Variants in COL26A1 observed in about 807,000 individuals in gnomAD.
COL26A1 encodes collagen alpha-1(XXVI) chain.
Under a neutral mutation model 59.3 loss-of-function variants are expected in COL26A1, and 41 were observed. The observed-to-expected ratio is 0.69, with a 90% CI of 0.54 to 0.90. The LOEUF is 0.90. COL26A1 is among the 40% of genes least tolerant of loss of function. The pLI is 0.00. For synonymous variants in COL26A1, 266 were observed against 256.0 expected (o/e 1.04, Z -0.37); for missense variants, 612 against 602.3 (o/e 1.02, Z -0.17).
chr7:101,374,678 A>G (rs925508389), intron 1 of COL26A1, among the ~76,000 whole-genome samples: 3 of 152,168 alleles, frequency 2.0e-5, no homozygotes, highest in South Asian at 2.1e-4. Flanking sequence ...TTGCAGGAAA[A>G]CAAGCTCAGG....
intron 2 of COL26A1, among the ~76,000 whole-genome samples, chr7:101,442,174 C>T (rs758832556): frequency 1.3e-5 from 2 of 152,192 alleles, no homozygotes; most frequent in East Asian, 3.9e-4. Context: ...TTTTTCTGGT[C>T]TCTCGTAGTC....
At chr7:101,543,002 C>T (rs1795649974) in intron 5 of COL26A1, among the ~76,000 whole-genome samples, 1 of 152,174 alleles carries the variant, frequency 6.6e-6, no homozygotes, top group Admixed American at 6.5e-5. Flanking sequence ...AGGTGGGGCA[C>T]ACACTCTACA....
chr7:101,434,634 C>T (rs534542279), intron 2 of COL26A1, among the ~76,000 whole-genome samples: 4 of 151,676 alleles, frequency 2.6e-5, no homozygotes, highest in South Asian at 4.2e-4. Flanking sequence ...GGAGAGAAGG[C>T]GGCACTCAAA....
intron 1 of COL26A1, among the ~76,000 whole-genome samples, chr7:101,379,377 G>A (rs914332685): frequency 1.3e-5 from 2 of 152,160 alleles, no homozygotes; most frequent in Admixed American, 6.5e-5. Flanking sequence ...TCAGGGGCTC[G>A]GAGGGAGCCC....
intron 2 of COL26A1, among the ~76,000 whole-genome samples, chr7:101,427,449 G>T (rs1371388448): frequency 2.0e-5 from 3 of 151,898 alleles, no homozygotes; most frequent in Non-Finnish European, 4.4e-5. Flanking sequence ...ATCATTTGAG[G>T]TCAGGAGTTC....
At chr7:101,420,727 C>CA (rs1410507758) in intron 2 of COL26A1, among the ~76,000 whole-genome samples, 1 of 144,270 alleles carries the variant, frequency 6.9e-6, no homozygotes, top group Non-Finnish European at 1.6e-5. Flanking sequence ...TCCCTCTCAC[C>CA]AGCCCCGCCC....
intron 1 of COL26A1, among the ~76,000 whole-genome samples, chr7:101,387,011 G>A (rs1166642255): frequency 1.3e-5 from 2 of 152,132 alleles, no homozygotes; most frequent in African/African-American, 4.8e-5. Context: ...AGCCGGGGTA[G>A]GGTTACCGCA....
chr7:101,550,566 T>G (rs11981986), intron 9 of COL26A1, among the ~76,000 whole-genome samples: 60,632 of 152,064 alleles, frequency 0.4, 12,951 homozygotes, highest in African/African-American at 0.54. Flanking sequence ...AAGGCTGTAG[T>G]TTCACTCCCT....
chr7:101,460,113 T>G (rs537567708), intron 3 of COL26A1, among the ~76,000 whole-genome samples: 1 of 152,332 alleles, frequency 6.6e-6, no homozygotes, highest in South Asian at 2.1e-4. Context: ...TAGGACCATT[T>G]ATCAAAATGA....
intron 2 of COL26A1, among the ~76,000 whole-genome samples, chr7:101,442,161 T>A (rs1690863540): frequency 6.8e-6 from 1 of 146,842 alleles, no homozygotes. Context: ...GTGGACTCTG[T>A]AGTTTTTCTG....
At chr7:101,445,585 G>A (rs1488312669) in intron 2 of COL26A1, among the ~76,000 whole-genome samples, 3 of 150,630 alleles carry the variant, frequency 2.0e-5, no homozygotes, top group South Asian at 4.2e-4. Context: ...CAAAAAAATT[G>A]GCCGGGCGTG....
rs747197633 is a variant in COL26A1, at chr7:101,450,735, TATTCCATATTCTATATGAATATGA to T, written c.385+2957_385+2980del. Among the ~76,000 whole-genome samples, 580 of 135,674 alleles carry T rather than the reference TATTCCATATTCTATATGAATATGA, an allele frequency of 4.3e-3. 5 individuals are homozygous for T. The highest frequency in any genetic ancestry group is 7.5e-3 in the Admixed American group (101 of 13,520). 89.0% of individuals were successfully genotyped at this position (135,674 alleles called of 152,430 possible). ...TAATATAGAATTATTGAATTATTTA[TATTCCATATTCTATATGAATATGA>T]ATTCCATAGTCTATATGAATATGAA... is the stretch of plus-strand genomic sequence containing the variant. On this transcript the variant is annotated intron_variant, in intron 3 of 12. Coordinates refer to ENST00000313669, the MANE Select transcript of COL26A1 (RefSeq NM_001278563.3).
At chr7:101,537,558 G>A (rs1250697314) in intron 4 of COL26A1, among the ~76,000 whole-genome samples, 1 of 152,220 alleles carries the variant, frequency 6.6e-6, no homozygotes, top group Non-Finnish European at 1.5e-5. Flanking sequence ...CAGGAGGGCT[G>A]AGACGCTGGC....
chr7:101,384,341 A>G (rs995229723), intron 1 of COL26A1, among the ~76,000 whole-genome samples: 1 of 148,810 alleles, frequency 6.7e-6, no homozygotes, highest in African/African-American at 2.5e-5. Flanking sequence ...GGTTCAAACC[A>G]TTCTCCTGCC....
chr7:101,518,231 C>T (rs1359094231), intron 3 of COL26A1, among the ~76,000 whole-genome samples: 2 of 152,168 alleles, frequency 1.3e-5, no homozygotes, highest in African/African-American at 2.4e-5. Context: ...GAGGCGATTG[C>T]CTCCTCCTGA....
At chr7:101,515,038 C>T (rs1383275321) in intron 3 of COL26A1, among the ~76,000 whole-genome samples, 2 of 152,174 alleles carry the variant, frequency 1.3e-5, no homozygotes, top group African/African-American at 2.4e-5. Context: ...AGCTGGGCTC[C>T]CAGAAGCCTG....
chr7:101,491,055 CACAA>C (rs1253850678), intron 3 of COL26A1, among the ~76,000 whole-genome samples: 4 of 151,028 alleles, frequency 2.6e-5, no homozygotes, highest in African/African-American at 9.8e-5. Context: ...GAGGCTGAGG[CACAA>C]ACATTGCTTG....
intron 1 of COL26A1, among the ~76,000 whole-genome samples, chr7:101,404,180 A>C (rs1792075592): frequency 6.6e-6 from 1 of 152,168 alleles, no homozygotes; most frequent in Non-Finnish European, 1.5e-5. Context: ...GAGGCAAGAC[A>C]GCCTGGGGAA....
intron 3 of COL26A1, among the ~76,000 whole-genome samples, chr7:101,463,893 CTTTCTTTCTTTTTCTTTCTCTCTT>C: frequency 2.4e-5 from 2 of 83,204 alleles, no homozygotes; most frequent in Non-Finnish European, 4.5e-5. Flanking sequence ...TTCTTTCTTT[CTTTCTTTCTTTTTCTTTCTCTCTT>C]TCTTTCTTCT....
Sources: allele counts gnomAD v4.1 joint callset (sites outside exome capture counted in the v4.1 genomes callset), GRCh38; gene constraint gnomAD v4.1.1; transcripts MANE v1.5; gene names NCBI Gene and HGNC (gene_info 2026-07-23, HGNC 2026-07-21).